The following TOP1MT variants were observed in gnomAD, a reference collection of about 807,000 sequenced individuals.
The protein encoded by TOP1MT is DNA topoisomerase I, mitochondrial.
Under a neutral mutation model 73.9 loss-of-function variants are expected in TOP1MT, and 80 were observed. That is an observed-to-expected ratio of 1.08 (90% confidence interval 0.90 to 1.30). The LOEUF is 1.30. Ranked by LOEUF, TOP1MT falls within the 50% of genes most tolerant of loss-of-function variation. TOP1MT has a pLI of 0.00. For synonymous variants in TOP1MT, 338 were observed against 326.4 expected (o/e 1.04, Z -0.38); for missense variants, 815 against 808.0 (o/e 1.01, Z -0.10).
intron 1 of TOP1MT, among the ~76,000 whole-genome samples, chr8:143,351,865 C>T (rs896289118): frequency 2.6e-5 from 4 of 152,218 alleles, no homozygotes; most frequent in African/African-American, 7.2e-5. Context: ...GGGTGGATCA[C>T]CTGAGGTCAG....
chr8:143,327,838 A>T, intron 3 of TOP1MT: 1 of 374,430 alleles, frequency 2.7e-6, no homozygotes, highest in Non-Finnish European at 5.2e-6. Flanking sequence ...GGCTCGGGGC[A>T]GTCAGACACC....
intron 7 of TOP1MT, among the ~76,000 whole-genome samples, chr8:143,322,734 A>ACACACG (rs1563760032): frequency 8.1e-5 from 1 of 12,302 alleles, no homozygotes; most frequent in Non-Finnish European, 1.3e-4. Context: ...GGCACGCCAC[A>ACACACG]CACGCCACAC....
intron 1 of TOP1MT, among the ~76,000 whole-genome samples, chr8:143,352,053 G>C (rs1817329161): frequency 6.6e-6 from 1 of 152,246 alleles, no homozygotes; most frequent in Non-Finnish European, 1.5e-5. Context: ...TTGCACTGCA[G>C]CCTGGGCAAC....
chr8:143,334,935 A>AGCCCCGCCCCGCCCCCAGCGGCCAGCCCC (rs1333334921), upstream of TOP1MT: 6 of 1,249,278 alleles, frequency 4.8e-6, no homozygotes, highest in African/African-American at 9.8e-5. Flanking sequence ...CCCAGCGGCC[A>AGCCCCGCCCCGCCCCCAGCGGCCAGCCCC]GCCCCGCCCC....
chr8:143,323,847 C>T (rs1396004875), intron 7 of TOP1MT, 152 bp downstream of exon 7: 2 of 804,980 alleles, frequency 2.5e-6, no homozygotes, highest in Non-Finnish European at 3.9e-6. Flanking sequence ...ATGTTCACAC[C>T]CACACACGTG....
intron 2 of TOP1MT, among the ~76,000 whole-genome samples, chr8:143,342,484 TAGAG>T (rs1469823274): frequency 1.4e-5 from 2 of 141,220 alleles, no homozygotes; most frequent in South Asian, 2.2e-4. Flanking sequence ...TTATTATTAT[TAGAG>T]ACAGAGTCTC....
chr8:143,313,811 T>A (rs1315519488), intron 12 of TOP1MT, among the ~76,000 whole-genome samples: 1 of 148,904 alleles, frequency 6.7e-6, no homozygotes, highest in Admixed American at 6.7e-5. Flanking sequence ...GCCGAGATCA[T>A]GCCATTGCAC....
chr8:143,315,959 C>T (rs1306786393), intron 11 of TOP1MT, 40 bp downstream of exon 11: 1 of 1,613,684 alleles, frequency 6.2e-7, no homozygotes, highest in Admixed American at 1.7e-5. Flanking sequence ...GGGAGGGGTC[C>T]CTTGAGGGCT....
At chr8:143,315,190 T>C (rs1428650582) in intron 12 of TOP1MT, among the ~76,000 whole-genome samples, 4 of 151,434 alleles carry the variant, frequency 2.6e-5, no homozygotes, top group Admixed American at 6.6e-5. Context: ...TCGCCCGCAG[T>C]TATCCGGAGG....
chr8:143,355,356 C>G (rs1350682772), intron 1 of TOP1MT: 1 of 152,178 alleles, frequency 6.6e-6, no homozygotes, highest in African/African-American at 2.4e-5. Context: ...ATGCATGCAG[C>G]CTGCCATCAA....
At chr8:143,329,719 T>C (rs1033513602) in intron 2 of TOP1MT, among the ~76,000 whole-genome samples, 3 of 152,324 alleles carry the variant, frequency 2.0e-5, no homozygotes, top group Non-Finnish European at 2.9e-5. Context: ...GCGCTACTGC[T>C]TTCTCCTCCT....
At chr8:143,359,372 G>A, upstream of TOP1MT, 1 of 985,498 alleles carries the variant, frequency 1.0e-6, no homozygotes, top group Non-Finnish European at 1.2e-6. Flanking sequence ...GGGAAGAAAG[G>A]CCCTGGGGCA....
At chr8:143,340,594 G>A (rs1475572679) in intron 2 of TOP1MT, among the ~76,000 whole-genome samples, 1 of 151,792 alleles carries the variant, frequency 6.6e-6, no homozygotes, top group Non-Finnish European at 1.5e-5. Flanking sequence ...TCTTCACCAG[G>A]CCCCCCACCT....
chr8:143,357,275 C>A (rs2130488111), upstream of TOP1MT, among the ~76,000 whole-genome samples: 1 of 151,206 alleles, frequency 6.6e-6, no homozygotes, highest in Non-Finnish European at 1.5e-5. Flanking sequence ...TTAGCCAGCA[C>A]AATAGTGCAC....
At position 143,315,715 on chromosome 8, in the gene TOP1MT, A is replaced by G; in HGVS notation, c.1553+12T>C. ...GCCCCGGGAGAAGGCGTCTGAGGGC[A>G]CGGGTACTCACCTCCTGGACTTGCC... On this transcript the variant is annotated intron_variant, in intron 12 of 13. Transcript: ENST00000329245. 2 of 1,612,180 alleles carry G rather than the reference A, an allele frequency of 1.2e-6. No individual in the cohort carries two copies. The highest frequency in any genetic ancestry group is 1.7e-6 in the Non-Finnish European group (2 of 1,178,506).
rs766127506 is a variant in TOP1MT, at chr8:143,315,688, G to T, written c.1553+39C>A. 5 of 1,566,436 alleles carry T rather than the reference G, an allele frequency of 3.2e-6. No homozygotes were observed. In the African/African-American group the frequency reaches 5.4e-5, roughly 17 times the overall value. On this transcript the variant is annotated intron_variant, in intron 12 of 13. Coordinates refer to ENST00000329245, the MANE Select transcript of TOP1MT (RefSeq NM_052963.3). ...GGGCTGGACCCTACGGGTTGGGACA[G>T]GGCCCCGGGAGAAGGCGTCTGAGGG...
At chr8:143,325,572 G>A in intron 4 of TOP1MT, 39 bp from the exon 5 acceptor site, 1 of 1,583,372 alleles carries the variant, frequency 6.3e-7, no homozygotes, top group Non-Finnish European at 8.6e-7. Context: ...TAGCAGTGAA[G>A]AGAAGAGAAC....
chr8:143,342,523 GAC>G (rs1214787952), intron 2 of TOP1MT, among the ~76,000 whole-genome samples: 1 of 131,186 alleles, frequency 7.6e-6, no homozygotes, highest in South Asian at 2.5e-4. Context: ...TATTATTAGA[GAC>G]AGAGTCTCGC....
chr8:143,310,047 T>A, intron 13 of TOP1MT, 21 bp downstream of exon 13: 1 of 1,609,058 alleles, frequency 6.2e-7, no homozygotes, highest in Non-Finnish European at 8.5e-7. Context: ...AGGTGGGAAC[T>A]GAGACCCCAG....
Sources: allele counts gnomAD v4.1 joint callset (sites outside exome capture counted in the v4.1 genomes callset), GRCh38; gene constraint gnomAD v4.1.1; transcripts MANE v1.5; gene names NCBI Gene and HGNC (gene_info 2026-07-23, HGNC 2026-07-21).